The following RBFOX3 variants were observed in gnomAD, a reference collection of about 807,000 sequenced individuals.
RBFOX3 encodes RNA binding fox-1 homolog 3.
Under a neutral mutation model 48.7 loss-of-function variants are expected in RBFOX3, and 17 were observed. The ratio of observed to expected loss-of-function variants is 0.35; its 90% CI spans 0.24 to 0.52. RBFOX3 has a LOEUF of 0.52. Among genes scored for constraint, RBFOX3 ranks in the 20% least tolerant of loss-of-function variants. The probability of loss-of-function intolerance (pLI) is 0.94; values close to 1 mark genes in which losing one functional copy is unlikely to be tolerated. For missense variants in RBFOX3, 382 were observed against 497.5 expected, an observed-to-expected ratio of 0.77 and a Z score of 2.21; for synonymous variants, 212 against 209.5, an observed-to-expected ratio of 1.01 and a Z score of -0.10.
At chr17:79,171,988 A>C (rs2049402634) in intron 4 of RBFOX3, among the ~76,000 whole-genome samples, 1 of 152,060 alleles carries the variant, frequency 6.6e-6, no homozygotes. Flanking sequence ...AGCCTGGCCA[A>C]CATGGTGAAA....
intron 2 of RBFOX3, among the ~76,000 whole-genome samples, chr17:79,428,132 T>G (rs1344615499): frequency 6.6e-6 from 1 of 152,260 alleles, no homozygotes; most frequent in African/African-American, 2.4e-5. Context: ...AGCAATATCC[T>G]CGCTGTCCTC....
chr17:79,147,130 T>C (rs2043199865), intron 4 of RBFOX3, among the ~76,000 whole-genome samples: 2 of 152,260 alleles, frequency 1.3e-5, no homozygotes, highest in South Asian at 4.1e-4. Flanking sequence ...GCCAGGACCC[T>C]CCAATTCCAA....
chr17:79,149,861 C>A (rs1185201875), intron 4 of RBFOX3, among the ~76,000 whole-genome samples: 1 of 150,154 alleles, frequency 6.7e-6, no homozygotes, highest in Middle Eastern at 3.2e-3. Context: ...GGCTGCCAGC[C>A]TCCTCCTCTG....
intron 3 of RBFOX3, among the ~76,000 whole-genome samples, chr17:79,267,384 ACTCT>A (rs1394226058): frequency 6.8e-6 from 1 of 147,652 alleles, no homozygotes; most frequent in Non-Finnish European, 1.5e-5. Flanking sequence ...TGCCCATGTC[ACTCT>A]CTCTCTTTTT....
intron 1 of RBFOX3, among the ~76,000 whole-genome samples, chr17:79,534,773 T>C (rs894085603): frequency 1.3e-5 from 2 of 152,062 alleles, no homozygotes; most frequent in Non-Finnish European, 1.5e-5. Context: ...GTCTCCCCAG[T>C]TTATTCAGGT....
At chr17:79,629,548 G>C in the RBFOX3 span, among the ~76,000 whole-genome samples, 1 of 152,198 alleles carries the variant, frequency 6.6e-6, no homozygotes, top group Non-Finnish European at 1.5e-5. Context: ...GTGGGATTCG[G>C]AGTCAGTGTA....
At chr17:79,430,124 C>T (rs1283981299) in intron 2 of RBFOX3, among the ~76,000 whole-genome samples, 3 of 152,130 alleles carry the variant, frequency 2.0e-5, no homozygotes, top group Non-Finnish European at 4.4e-5. Context: ...GCACTCAGAC[C>T]ACAGGGGCCA....
chr17:79,620,581 G>A, the RBFOX3 span, among the ~76,000 whole-genome samples: 1,850 of 74,550 alleles, frequency 0.025, 32 homozygotes, highest in Middle Eastern at 0.05. Flanking sequence ...GTGCACACAC[G>A]CACGCACACA....
chr17:79,138,709 A>ATGCCCCCTT (rs76586779), intron 4 of RBFOX3, among the ~76,000 whole-genome samples: 1 of 48,264 alleles, frequency 2.1e-5, no homozygotes, highest in Non-Finnish European at 3.8e-5. Context: ...ACATGCGTTC[A>ATGCCCCCTT]CACCCCCTCA....
Position 79,361,594 on chromosome 17 carries a change from A to C in RBFOX3, c.-174-53770T>G, listed in dbSNP as rs1208695396. On this transcript the variant is annotated intron_variant, in intron 2 of 14. Coordinates refer to ENST00000693108, the MANE Select transcript of RBFOX3 (RefSeq NM_001350451.2). The surrounding 1 kb of genome is among the most constrained non-coding windows in gnomAD (Gnocchi z 4.5). ...GCCAGGCACTGTCCAGGGCTTCCCT[A>C]AGGGACATGCCAGCCCACGTCCATC... Among the ~76,000 whole-genome samples, 4 of 152,088 alleles carry C rather than the reference A, an allele frequency of 2.6e-5. No homozygotes were observed.
intron 1 of RBFOX3, among the ~76,000 whole-genome samples, chr17:79,583,018 G>A (rs1449757883): frequency 6.6e-6 from 1 of 152,154 alleles, no homozygotes; most frequent in Non-Finnish European, 1.5e-5. Context: ...AGGCTGTTGA[G>A]GGCACTGCAG....
chr17:79,268,325 C>A (rs1332197799), intron 3 of RBFOX3, among the ~76,000 whole-genome samples: 4 of 152,130 alleles, frequency 2.6e-5, no homozygotes, highest in Non-Finnish European at 5.9e-5. Flanking sequence ...CCAGAAACTG[C>A]CCCTACTCAA....
chr17:79,614,002 C>T (rs889516109), upstream of RBFOX3, among the ~76,000 whole-genome samples: 208 of 152,228 alleles, frequency 1.4e-3, 1 homozygote, highest in African/African-American at 4.2e-3. Context: ...TTTAAAAAGG[C>T]ATAAACCCCA....
chr17:79,301,205 T>C (rs1158150190), intron 3 of RBFOX3, among the ~76,000 whole-genome samples: 1 of 152,204 alleles, frequency 6.6e-6, no homozygotes, highest in Non-Finnish European at 1.5e-5. Flanking sequence ...GTATGGGACT[T>C]TCTGGGTCCC....
At chr17:79,295,109 G>A (rs1057111412) in intron 3 of RBFOX3, among the ~76,000 whole-genome samples, 1 of 152,238 alleles carries the variant, frequency 6.6e-6, no homozygotes, top group South Asian at 2.1e-4. Flanking sequence ...GAGAGAAGAC[G>A]GCCACAGGGA....
At chr17:79,152,731 G>A (rs371753288) in intron 4 of RBFOX3, among the ~76,000 whole-genome samples, 5 of 152,210 alleles carry the variant, frequency 3.3e-5, no homozygotes, top group Middle Eastern at 3.2e-3. Context: ...GGGGGGCACC[G>A]AAGCAGTATC....
rs1047409387 is a variant in RBFOX3, at chr17:79,242,464, C to T, written c.-73-6659G>A. On this transcript the variant is annotated intron_variant, in intron 3 of 14. Transcript: ENST00000693108. The surrounding 1 kb of genome is among the most constrained non-coding windows in gnomAD (Gnocchi z 5.8). ...AAACCTGGCTTGTGATGACGGTGAT[C>T]AGAGCAGGAGAGCCACATCTATTTA... is the stretch of plus-strand genomic sequence containing the variant. Among the ~76,000 whole-genome samples, 12 of 151,966 alleles carry T rather than the reference C, an allele frequency of 7.9e-5. No individual in the cohort carries two copies. The highest frequency in any genetic ancestry group is 1.6e-4 in the Non-Finnish European group (11 of 68,010).
chr17:79,492,176 G>A (rs983386782), intron 1 of RBFOX3, among the ~76,000 whole-genome samples: 8 of 152,296 alleles, frequency 5.3e-5, no homozygotes, highest in South Asian at 2.1e-4. Flanking sequence ...CTGGAATGTC[G>A]GGGAGGAGGG....
rs1004632647 is a variant in RBFOX3 at position 79,421,448 on chromosome 17, C to A, written c.-175+61006G>T. 6.6e-6 allele frequency among the ~76,000 whole-genome samples: 1 copy of A among 152,144 alleles called. No individual in the cohort carries two copies. Among genetic ancestry groups the A allele is most frequent in the Non-Finnish European group, 1.5e-5 (1 of 68,014 alleles). On this transcript the variant is annotated intron_variant, in intron 2 of 14. Coordinates refer to ENST00000693108, the MANE Select transcript of RBFOX3 (RefSeq NM_001350451.2). This position sits in a 1 kb window ranked among gnomAD's most constrained non-coding sequence, Gnocchi z 4.5. ...AGCCTAGGGGCCTCTCCAGAGCCCA[C>A]GGACCACAGCCACTGGCAGGACAGC...
Sources: gnomAD v4.1 joint callset for allele counts (sites outside exome capture counted in the v4.1 genomes callset) on GRCh38, gnomAD v4.1.1 for gene constraint, Gnocchi (gnomAD v3.1) non-coding constraint, MANE v1.5 for transcripts, NCBI Gene and HGNC (gene_info 2026-07-23, HGNC 2026-07-21) for gene names.